The following GTF3C1 variants were observed in gnomAD, a reference collection of about 807,000 sequenced individuals.
GTF3C1 encodes the protein general transcription factor 3C polypeptide 1.
Under a neutral mutation model 226.7 loss-of-function variants are expected in GTF3C1, and 57 were observed. That is an observed-to-expected ratio of 0.25 (90% CI 0.20 to 0.31). GTF3C1 has a LOEUF of 0.31. Ranked by LOEUF, GTF3C1 falls within the 10% of genes least tolerant of loss-of-function variation. GTF3C1 has a pLI of 1.00. For missense variants in GTF3C1, 2,217 were observed against 2,776.1 expected (o/e 0.80, Z 4.53); for synonymous variants, 1,090 against 1,084.8 (o/e 1.00, Z -0.09).
chr16:27,499,966 T>C (rs2088381253), intron 12 of GTF3C1, among the ~76,000 whole-genome samples: 3 of 152,176 alleles, frequency 2.0e-5, no homozygotes. Context: ...CCAGCTACTG[T>C]AGTGGGACCT....
chr16:27,492,956 G>A lies in GTF3C1; in HGVS notation c.2876+243C>T, dbSNP rs2088255695. On this transcript the variant is annotated intron_variant, in intron 17 of 36. Transcript: ENST00000356183. The surrounding 1 kb of genome is among the most constrained non-coding windows in gnomAD (Gnocchi z 5.0). The stretch of plus-strand genomic sequence containing the variant: ...TTTGGAAAGTAAAAGTAATGAAAGG[G>A]AAAAAAAATTCCGATACTTGCAGAC... 6.6e-6 allele frequency among the ~76,000 whole-genome samples: 1 copy of A among 151,748 alleles called. No individual in the cohort carries two copies. The highest frequency in any genetic ancestry group is 1.5e-5 in the Non-Finnish European group (1 of 67,940).
chr16:27,495,712 G>C (rs529827951), intron 14 of GTF3C1, among the ~76,000 whole-genome samples: 57 of 152,344 alleles, frequency 3.7e-4, no homozygotes, highest in Non-Finnish European at 4.7e-4. Flanking sequence ...AGAAAATAAA[G>C]CACAGATGGG....
chr16:27,502,772 A>C, intron 11 of GTF3C1, 87 bp downstream of exon 11: 1 of 1,345,512 alleles, frequency 7.4e-7, no homozygotes, highest in African/African-American at 1.4e-5. Context: ...AATGCCCCTC[A>C]GTGGTGTCCA....
chr16:27,494,796 G>A lies in GTF3C1; in HGVS notation c.2745C>T (p.Ser915=), dbSNP rs757617211. 6.2e-7 allele frequency: 1 copy of A among 1,612,690 alleles called. No individual in the cohort carries two copies. Among genetic ancestry groups the A allele is most frequent in the South Asian group, 1.1e-5 (1 of 91,040 alleles). ...TGACTTGCACAATCTGGATGAAGATGGAGAGGGGAAGGCAGAGGAGGATGT... is the reference window on the plus strand; with the variant it reads ...TGACTTGCACAATCTGGATGAAGATAGAGAGGGGAAGGCAGAGGAGGATGT... ...VSDILLCLPL[S]IFIQIVQVSY... Residue 915 remains serine, a synonymous_variant, in exon 16 of 37, where the codon TCC becomes TCT. Coordinates refer to ENST00000356183, the MANE Select transcript of GTF3C1 (RefSeq NM_001520.4).
intron 10 of GTF3C1, 66 bp downstream of exon 10, chr16:27,505,833 A>C: frequency 2.2e-6 from 2 of 921,192 alleles, no homozygotes; most frequent in Non-Finnish European, 3.5e-6. Context: ...GTGATTCCTA[A>C]ACACAGAAAC....
At chr16:27,468,014 G>A (rs2087810065) in intron 32 of GTF3C1, among the ~76,000 whole-genome samples, 1 of 152,030 alleles carries the variant, frequency 6.6e-6, no homozygotes, top group Admixed American at 6.6e-5. Flanking sequence ...TGATTCATGG[G>A]AGGTGGTCAA....
intron 12 of GTF3C1, among the ~76,000 whole-genome samples, chr16:27,499,573 G>A (rs2088374026): frequency 6.6e-6 from 1 of 152,184 alleles, no homozygotes; most frequent in South Asian, 2.1e-4. Context: ...AGGAAGCAAC[G>A]CCTAGACAAG....
intron 29 of GTF3C1, among the ~76,000 whole-genome samples, chr16:27,472,298 C>T (rs1023899675): frequency 6.6e-6 from 1 of 152,202 alleles, no homozygotes; most frequent in African/African-American, 2.4e-5. Context: ...GCCAAAAGCA[C>T]GTCAGGTGGG....
At chr16:27,541,734 G>A (rs1466772802) in intron 2 of GTF3C1, among the ~76,000 whole-genome samples, 1 of 152,198 alleles carries the variant, frequency 6.6e-6, no homozygotes. Context: ...AGCCCAGCAT[G>A]TTGAGGCTGA....
intron 14 of GTF3C1, among the ~76,000 whole-genome samples, chr16:27,495,865 C>T (rs903426897): frequency 2.0e-5 from 3 of 152,164 alleles, no homozygotes; most frequent in South Asian, 2.1e-4. Context: ...TGGGGGTGTG[C>T]CCCGCACATT....
chr16:27,514,528 T>C (rs1043507909), intron 6 of GTF3C1, among the ~76,000 whole-genome samples: 1 of 152,158 alleles, frequency 6.6e-6, no homozygotes, highest in African/African-American at 2.4e-5. Context: ...CAGACCACCA[T>C]GCCATTCCCC....
In GTF3C1 at chr16:27,545,603, T is replaced by C. The variant is rs138638866; in HGVS notation, c.222-80A>G. 6.3e-6 allele frequency: 5 copies of C among 794,788 alleles called. No individual in the cohort carries two copies. The African/African-American group carries it at 8.6e-5, about 14-fold the overall frequency. The allele number at this position is 794,788 out of a possible 1,614,324, so 49.2% of individuals were successfully genotyped here. On this transcript the variant is annotated intron_variant, in intron 1 of 36. Coordinates refer to ENST00000356183, the MANE Select transcript of GTF3C1 (RefSeq NM_001520.4). ...GCTTGGCTGTGTTCTTTTGACAACC[T>C]CCAGCAGAGATCAGAGAGAAGTGAG...
intron 25 of GTF3C1, chr16:27,483,522 G>A: frequency 4.4e-6 from 2 of 459,728 alleles, no homozygotes; most frequent in Middle Eastern, 3.2e-4. Context: ...CAAAGCAGGT[G>A]TGTCCACTCC....
At chr16:27,499,383 G>GGT (rs1292979141) in intron 12 of GTF3C1, among the ~76,000 whole-genome samples, 3 of 152,186 alleles carry the variant, frequency 2.0e-5, no homozygotes, top group South Asian at 2.1e-4. Flanking sequence ...AGTGGGGCAG[G>GGT]GTGTGTGTGA....
intron 14 of GTF3C1, among the ~76,000 whole-genome samples, chr16:27,496,841 C>T (rs1488066103): frequency 1.3e-5 from 2 of 152,238 alleles, no homozygotes; most frequent in African/African-American, 4.8e-5. Context: ...AGAAGGCCCA[C>T]CCGAGGAACA....
chr16:27,521,991 T>C (rs2088757364), intron 6 of GTF3C1, among the ~76,000 whole-genome samples: 1 of 152,236 alleles, frequency 6.6e-6, no homozygotes, highest in Admixed American at 6.5e-5. Context: ...TCTTAGCTTG[T>C]ATACATCAAT....
At position 27,463,285 on chromosome 16, in the gene GTF3C1, G is replaced by C. The variant is rs2087731738; in HGVS notation, c.5924+256C>G. 2 of 523,286 alleles carry C rather than the reference G, an allele frequency of 3.8e-6. No individual in the cohort carries two copies. The highest frequency in any genetic ancestry group is 6.7e-6 in the Non-Finnish European group (2 of 297,124). 32.4% of individuals were successfully genotyped at this position (523,286 alleles called of 1,614,324 possible). A position where few individuals can be genotyped will look rare whatever the true frequency, so the allele number is the denominator to read the frequency against. Reference sequence around the variant, plus strand: ...AAGCACAGCTGACAGCACCAGGCATGGTTCTCCACCAGCGCCCTGGGCATT... The same window carrying C: ...AAGCACAGCTGACAGCACCAGGCATCGTTCTCCACCAGCGCCCTGGGCATT... On this transcript the variant is annotated intron_variant, in intron 35 of 36. Transcript: ENST00000356183. This position sits in a 1 kb window ranked among gnomAD's most constrained non-coding sequence, Gnocchi z 4.9.
At chr16:27,540,249 C>T (rs1027146932) in intron 2 of GTF3C1, among the ~76,000 whole-genome samples, 1 of 152,216 alleles carries the variant, frequency 6.6e-6, no homozygotes, top group African/African-American at 2.4e-5. Flanking sequence ...GCTTAAGTCA[C>T]AGAAGCCCAT....
Position 27,488,366 on chromosome 16 carries a change from G to C in GTF3C1, c.3561C>G (p.Leu1187=). ...CAAACTGCTCTTCCCAGCCAGCACA[G>C]AGCTCGGAGCCTACTCTTGCTTCCC... ...IWGEARVGSE[L]CAGWEEQFEV... The change falls in exon 23 of 37, where the codon CTC becomes CTG. Residue 1187 remains leucine (L), a synonymous_variant. Transcript: ENST00000356183. 6.2e-7 allele frequency: 1 copy of C among 1,613,820 alleles called. No homozygotes were observed.
Sources: gnomAD v4.1 joint callset for allele counts (sites outside exome capture counted in the v4.1 genomes callset) on GRCh38, gnomAD v4.1.1 for gene constraint, Gnocchi (gnomAD v3.1) non-coding constraint, MANE v1.5 for transcripts, NCBI Gene and HGNC (gene_info 2026-07-23, HGNC 2026-07-21) for gene names.